ZNF248: variants seen among roughly 807,000 people sequenced by gnomAD.
The protein encoded by ZNF248 is zinc finger protein 248, also known as KRAB protein domain.
A neutral mutation model predicts 44.3 loss-of-function variants in ZNF248; 20 were observed. The ratio of observed to expected loss-of-function variants is 0.45; its 90% CI spans 0.32 to 0.66. The LOEUF (loss-of-function observed/expected upper bound fraction) is 0.66. Among genes scored for constraint, ZNF248 ranks in the 30% least tolerant of loss-of-function variants. The probability of loss-of-function intolerance (pLI) is 0.04; values close to 1 mark genes in which losing one functional copy is unlikely to be tolerated. For synonymous variants in ZNF248, 224 were observed against 229.0 expected (o/e 0.98, Z 0.20); for missense variants, 654 against 677.0 (o/e 0.97, Z 0.38).
downstream of ZNF248, chr10:37,776,232 C>T (rs979248285): frequency 4.9e-6 from 1 of 202,538 alleles, no homozygotes; most frequent in Non-Finnish European, 9.9e-6. Flanking sequence ...CATGCCCACA[C>T]CAACCCTCCA....
chr10:37,830,266 G>A lies in ZNF248; in HGVS notation c.*1349C>T, dbSNP rs2055270445. On this transcript the variant is annotated 3_prime_UTR_variant, in exon 6 of 6. Transcript: ENST00000395867. ...TACATTACAGAATGACCCAGAGGTA[G>A]CTGAAAAACCTCAGAAAAGTACTGT... The A allele has an allele frequency of 6.1e-6, 6 of 985,260 alleles. No homozygotes were observed. In the South Asian group the frequency reaches 2.3e-4, roughly 39 times the overall value. The allele number at this position is 985,260 out of a possible 1,614,324, so 61.0% of individuals were successfully genotyped here. A position where few individuals can be genotyped will look rare whatever the true frequency, so the allele number is the denominator to read the frequency against.
intron 6 of ZNF248, chr10:37,795,100 A>T (rs1362466681): frequency 6.6e-6 from 1 of 152,238 alleles, no homozygotes; most frequent in African/African-American, 2.4e-5. Context: ...CAATTCTCTT[A>T]AAGTTTGAAA....
At chr10:37,810,425 C>T (rs2051306751) in intron 6 of ZNF248, among the ~76,000 whole-genome samples, 1 of 151,960 alleles carries the variant, frequency 6.6e-6, no homozygotes, top group African/African-American at 2.4e-5. Flanking sequence ...ATACAATATC[C>T]TTCTTTATCT....
intron 6 of ZNF248, among the ~76,000 whole-genome samples, chr10:37,823,274 C>T (rs9417262): frequency 0.15 from 19,099 of 127,562 alleles, 1,346 homozygotes; most frequent in Admixed American, 0.26. Context: ...GCGGAGGTTG[C>T]AGTGATCCGA....
chr10:37,851,113 C>T (rs2060150494), intron 3 of ZNF248, among the ~76,000 whole-genome samples: 1 of 152,020 alleles, frequency 6.6e-6, no homozygotes, highest in African/African-American at 2.4e-5. Flanking sequence ...AAATCCAATT[C>T]TAAAATAGTA....
At position 37,778,004 on chromosome 10, in the gene ZNF248, A is replaced by C. The variant is rs547102693; in HGVS notation, c.331-1429T>G. Among the ~76,000 whole-genome samples the C allele has an allele frequency of 9.6e-3, 1,456 of 152,068 alleles. 12 individuals carry two copies. The highest frequency in any genetic ancestry group is 0.033 in the African/African-American group (1,385 of 41,496). ...AGTGCTGCAATAAACATACGTGTGC[A>C]TGTGTCTTTATAGCAGCATGATTTA... On this transcript the variant is annotated intron_variant, in intron 6 of 6. Transcript: ENST00000615949.
intron 6 of ZNF248, among the ~76,000 whole-genome samples, chr10:37,821,600 C>T (rs184708861): frequency 3.3e-5 from 5 of 152,284 alleles, no homozygotes; most frequent in Admixed American, 2.0e-4. Flanking sequence ...ACATACCTGG[C>T]CACTTACACA....
At chr10:37,849,246 G>A (rs777575857) in intron 3 of ZNF248, among the ~76,000 whole-genome samples, 13 of 151,300 alleles carry the variant, frequency 8.6e-5, no homozygotes, top group Non-Finnish European at 1.9e-4. Flanking sequence ...AGTCAGCTAT[G>A]ACTACTGACT....
At chr10:37,790,639 G>A (rs1173457274) in intron 6 of ZNF248, among the ~76,000 whole-genome samples, 1 of 151,982 alleles carries the variant, frequency 6.6e-6, no homozygotes, top group Non-Finnish European at 1.5e-5. Flanking sequence ...GAACCTGGGA[G>A]GCAGTGGTTG....
At chr10:37,764,119 C>A in the ZNF248 span, among the ~76,000 whole-genome samples, 4 of 152,172 alleles carry the variant, frequency 2.6e-5, no homozygotes, top group African/African-American at 9.7e-5. Context: ...CTTTCAAAAG[C>A]AAATAGGAGA....
downstream of ZNF248, among the ~76,000 whole-genome samples, chr10:37,823,775 T>C (rs1002010468): frequency 6.6e-6 from 1 of 152,112 alleles, no homozygotes; most frequent in African/African-American, 2.4e-5. Flanking sequence ...GGTTTCACCA[T>C]GTTGGCCAGG....
intron 6 of ZNF248, among the ~76,000 whole-genome samples, chr10:37,790,496 G>A (rs1421421620): frequency 6.6e-6 from 1 of 151,860 alleles, no homozygotes; most frequent in East Asian, 1.9e-4. Context: ...CAGATCACGA[G>A]GTCAAGAGAT....
Position 37,828,932 on chromosome 10 carries a change from T to C in ZNF248, c.*2683A>G, listed in dbSNP as rs969883916. 7 of 985,270 alleles carry C rather than the reference T, an allele frequency of 7.1e-6. No individual in the cohort carries two copies. Among genetic ancestry groups the C allele is most frequent in the South Asian group, 4.7e-5 (1 of 21,290 alleles). The allele number at this position is 985,270 out of a possible 1,614,324, so 61.0% of individuals were successfully genotyped here. On this transcript the variant is annotated 3_prime_UTR_variant, in exon 6 of 6. Coordinates refer to ENST00000395867, the MANE Select transcript of ZNF248 (RefSeq NM_021045.3). Reference sequence around the variant, plus strand: ...TGTAGTTCCAAAGGGAGTTTACTTATGCTAACAGGAAAGCAGAACAAACAG... The same window carrying C: ...TGTAGTTCCAAAGGGAGTTTACTTACGCTAACAGGAAAGCAGAACAAACAG...
At chr10:37,849,457 C>T (rs1227311968) in intron 3 of ZNF248, among the ~76,000 whole-genome samples, 3 of 151,762 alleles carry the variant, frequency 2.0e-5, no homozygotes, top group East Asian at 1.9e-4. Context: ...CCAAGGCGGG[C>T]GGATCACCTG....
At chr10:37,844,257 C>G (rs914280819) in intron 3 of ZNF248, among the ~76,000 whole-genome samples, 1 of 152,126 alleles carries the variant, frequency 6.6e-6, no homozygotes, top group Non-Finnish European at 1.5e-5. Flanking sequence ...GAATTGTAAA[C>G]CTGGCAAATT....
At chr10:37,824,686 T>TTTTTTTTA (rs2054077170), downstream of ZNF248, among the ~76,000 whole-genome samples, 2 of 101,734 alleles carry the variant, frequency 2.0e-5, 1 homozygote, top group East Asian at 6.0e-4. Flanking sequence ...TTTTTTTTTT[T>TTTTTTTTA]TTTTTTTTTT....
At chr10:37,824,848 A>ATT (rs36011714), downstream of ZNF248, among the ~76,000 whole-genome samples, 147 of 115,196 alleles carry the variant, frequency 1.3e-3, 1 homozygote, top group Non-Finnish European at 2.4e-3. Flanking sequence ...CACCCAGCTG[A>ATT]TTTTTTTTTT....
Position 37,832,473 on chromosome 10 carries a change from G to C in ZNF248, c.882C>G (p.Asp294Glu). 1 of 1,613,916 alleles carries C rather than the reference G, an allele frequency of 6.2e-7. No homozygotes were observed. Among genetic ancestry groups the C allele is most frequent in the Non-Finnish European group, 8.5e-7 (1 of 1,179,922 alleles). ...CATATTCATTATATTCATAAGGATT[G>C]TCCTTTGTAAGAGCTCTCTGATGTC... ...RFGHQRALTKDNPYEYNEYGE... is the reference protein window; with the variant it reads ...RFGHQRALTKENPYEYNEYGE... The change falls in exon 6 of 6, where the codon GAC becomes GAG. Residue 294 changes from aspartate (D) to glutamate (E), a missense_variant. Physicochemically the swap from Asp to Glu is conservative, Grantham distance 45. Transcript: ENST00000395867.
At chr10:37,774,762 C>T (rs1019725153), downstream of ZNF248, among the ~76,000 whole-genome samples, 1 of 151,956 alleles carries the variant, frequency 6.6e-6, no homozygotes, top group African/African-American at 2.4e-5. Flanking sequence ...CTTTGTGTTC[C>T]ATGAAGAATT....
Sources: gnomAD v4.1 joint callset for allele counts (sites outside exome capture counted in the v4.1 genomes callset) on GRCh38, gnomAD v4.1.1 for gene constraint, MANE v1.5 for transcripts, NCBI Gene and HGNC (gene_info 2026-07-23, HGNC 2026-07-21) for gene names.